DLG2: variants seen among roughly 807,000 people sequenced by gnomAD.
DLG2 encodes the protein discs large MAGUK scaffold protein 2, also known as disks large homolog 2.
Under a neutral mutation model 132.5 loss-of-function variants are expected in DLG2, and 45 were observed. The ratio of observed to expected loss-of-function variants is 0.34; its 90% CI spans 0.27 to 0.44. The LOEUF is 0.44. DLG2 is among the 20% of genes least tolerant of loss of function. The pLI is 1.00. For missense variants in DLG2, 1,045 were observed against 1,196.9 expected (o/e 0.87, Z 1.87); for synonymous variants, 424 against 419.6 (o/e 1.01, Z -0.13).
In DLG2 at chr11:84,546,411, G is replaced by A. The variant is rs374631382; in HGVS notation, c.358-11680C>T. On this transcript the variant is annotated intron_variant, in intron 6 of 27. Coordinates refer to ENST00000376104, the MANE Select transcript of DLG2 (RefSeq NM_001142699.3). ...AGGCCAGCATCATGCTTCTGGCACA[G>A]ACTGAAAGAACCATGAGCCAATTAA... The A allele has an allele frequency of 9.6e-4, 216 of 224,574 alleles. 3 individuals are homozygous for A. In the South Asian group the frequency reaches 0.013, roughly 14 times the overall value. The allele number at this position is 224,574 out of a possible 1,614,324, so 13.9% of individuals were successfully genotyped here. A position where few individuals can be genotyped will look rare whatever the true frequency, so the allele number is the denominator to read the frequency against.
intron 17 of DLG2, among the ~76,000 whole-genome samples, chr11:83,796,432 C>T (rs2042845753): frequency 6.6e-6 from 1 of 152,194 alleles, no homozygotes; most frequent in African/African-American, 2.4e-5. Flanking sequence ...TATTTGAACA[C>T]ATTTTTCACT....
chr11:85,425,290 C>T (rs1299596293), intron 3 of DLG2, among the ~76,000 whole-genome samples: 2 of 152,050 alleles, frequency 1.3e-5, no homozygotes, highest in East Asian at 1.9e-4. Context: ...AAAACATTTG[C>T]TCTATAAATG....
At chr11:85,512,080 T>A (rs1170511155) in intron 3 of DLG2, among the ~76,000 whole-genome samples, 1 of 152,070 alleles carries the variant, frequency 6.6e-6, no homozygotes, top group Non-Finnish European at 1.5e-5. Flanking sequence ...CCATTTTCAG[T>A]GTGGATTACA....
chr11:85,490,469 C>CA (rs566908048), intron 3 of DLG2, among the ~76,000 whole-genome samples: 7 of 151,216 alleles, frequency 4.6e-5, no homozygotes, highest in Admixed American at 1.3e-4. Flanking sequence ...AACTAAATGA[C>CA]AAAAAAATCT....
intron 15 of DLG2, among the ~76,000 whole-genome samples, chr11:83,883,927 C>G (rs558212001): frequency 6.6e-6 from 1 of 152,144 alleles, no homozygotes; most frequent in East Asian, 1.9e-4. Context: ...AAAAGGAAAG[C>G]AAATTTTAGT....
At chr11:84,534,803 A>G in intron 6 of DLG2, 72 bp from the exon 7 acceptor site, 1 of 1,531,724 alleles carries the variant, frequency 6.5e-7, no homozygotes, top group Non-Finnish European at 9.0e-7. Flanking sequence ...TGAACTTCAT[A>G]TTCTAACTTC....
intron 7 of DLG2, among the ~76,000 whole-genome samples, chr11:84,337,592 A>G (rs1043936540): frequency 7.9e-5 from 12 of 152,156 alleles, no homozygotes; most frequent in African/African-American, 2.7e-4. Flanking sequence ...TCACATAATA[A>G]ATACTCTTCT....
At chr11:84,753,739 G>T (rs1287925873) in intron 6 of DLG2, among the ~76,000 whole-genome samples, 2 of 152,196 alleles carry the variant, frequency 1.3e-5, no homozygotes, top group Non-Finnish European at 2.9e-5. Flanking sequence ...GCTTGATGGA[G>T]TGAAGGAGCA....
chr11:83,466,796 C>T lies in DLG2; in HGVS notation c.2641G>A (p.Val881Ile). 1 of 1,612,674 alleles carries T rather than the reference C, an allele frequency of 6.2e-7. No homozygotes were observed. The highest frequency in any genetic ancestry group is 8.5e-7 in the Non-Finnish European group (1 of 1,178,802). The change falls in exon 26 of 28, where the codon GTA becomes ATA. Residue 881 changes from valine to isoleucine, a missense_variant. By Grantham distance (29) the Val-to-Ile change is conservative. This residue lies in a region of DLG2 where 398 missense variants were observed against 543.6 expected (regional missense o/e 0.73). Transcript: ENST00000376104. ...AACCGCTTGATAGCATTTCCTGATA[C>T]ATCAAGTATACAGTGTTTGCCCTGG... ...AERGKHCILD[V>I]SGNAIKRLQV... is the part of the protein sequence containing the mutation.
rs139603711 is a variant in DLG2, at chr11:83,638,307, G to A, written c.1826-4982C>T. Among the ~76,000 whole-genome samples the A allele has an allele frequency of 6.2e-4, 94 of 152,168 alleles. 1 individual carries two copies. The East Asian group carries it at 0.018, about 28-fold the overall frequency. On this transcript the variant is annotated intron_variant, in intron 18 of 27. Transcript: ENST00000376104. ...AATAGTAAAAAGTGTACAAGATTTG[G>A]GTTATGTAGATGGAGTCAAAATCCT...
Position 85,481,589 on chromosome 11 carries a change from C to T in DLG2, c.40+117068G>A, listed in dbSNP as rs74725790. ...AAAGCTAGGCCCACCCCCAATAAAGCCTAGCACCAGGAAGACCCCCAACAG... is the reference window on the plus strand; with the variant it reads ...AAAGCTAGGCCCACCCCCAATAAAGTCTAGCACCAGGAAGACCCCCAACAG... On this transcript the variant is annotated intron_variant, in intron 3 of 27. Transcript: ENST00000376104. Among the ~76,000 whole-genome samples the T allele has an allele frequency of 9.8e-3, 1,488 of 152,190 alleles. 21 individuals are homozygous for T. Among genetic ancestry groups the T allele is most frequent in the African/African-American group, 0.032 (1,327 of 41,512 alleles).
chr11:83,990,704 C>T (rs1437850274), intron 11 of DLG2, among the ~76,000 whole-genome samples: 2 of 152,114 alleles, frequency 1.3e-5, no homozygotes, highest in African/African-American at 4.8e-5. Flanking sequence ...TGAATTGGTT[C>T]AACTTTATTT....
chr11:84,669,228 C>T (rs1223293898), intron 6 of DLG2, among the ~76,000 whole-genome samples: 1 of 152,000 alleles, frequency 6.6e-6, no homozygotes, highest in Non-Finnish European at 1.5e-5. Flanking sequence ...TAAAGATCCT[C>T]ATGTAGAACC....
chr11:84,657,853 T>A (rs1221851115), intron 6 of DLG2, among the ~76,000 whole-genome samples: 1 of 152,216 alleles, frequency 6.6e-6, no homozygotes, highest in Non-Finnish European at 1.5e-5. Flanking sequence ...TGTCTAGCAT[T>A]GCAGCAAAGG....
chr11:84,499,736 C>A lies in DLG2; in HGVS notation c.519+34834G>T, dbSNP rs185713818. On this transcript the variant is annotated intron_variant, in intron 7 of 27. Transcript: ENST00000376104. Reference sequence around the variant, plus strand: ...TTTCTGTCTCTCTCTGTTTCTCTCTCTATATATTCCTTCCTCTCTCTCTCT... The same window carrying A: ...TTTCTGTCTCTCTCTGTTTCTCTCTATATATATTCCTTCCTCTCTCTCTCT... Among the ~76,000 whole-genome samples, 191 of 152,118 alleles carry A rather than the reference C, an allele frequency of 1.3e-3. 1 individual carries two copies. The highest frequency in any genetic ancestry group is 4.7e-3 in the Admixed American group (72 of 15,254).
intron 6 of DLG2, among the ~76,000 whole-genome samples, chr11:84,628,208 A>G (rs919282316): frequency 1.3e-5 from 2 of 152,016 alleles, no homozygotes; most frequent in Non-Finnish European, 2.9e-5. Flanking sequence ...TTAACACAGC[A>G]CCTGGCACAG....
chr11:84,073,491 G>A (rs1273348543), intron 10 of DLG2, among the ~76,000 whole-genome samples: 4 of 152,100 alleles, frequency 2.6e-5, no homozygotes, highest in Non-Finnish European at 5.9e-5. Context: ...CTGCCACAGA[G>A]TACCAGGTAT....
rs1429625932 is a variant in DLG2, at chr11:84,323,693, A to G, written c.520-72402T>C. Among the ~76,000 whole-genome samples, 3 of 149,610 alleles carry G rather than the reference A, an allele frequency of 2.0e-5. No homozygotes were observed. In the East Asian group the frequency reaches 5.9e-4, roughly 29 times the overall value. ...GACTTCCAATTTCTCCACATCCTCAACAACATTTTTTTTGCTTTCTTTTTT... is the reference window on the plus strand; with the variant it reads ...GACTTCCAATTTCTCCACATCCTCAGCAACATTTTTTTTGCTTTCTTTTTT... On this transcript the variant is annotated intron_variant, in intron 7 of 27. Transcript: ENST00000376104.
At chr11:84,567,456 C>T (rs1236061305) in intron 6 of DLG2, among the ~76,000 whole-genome samples, 1 of 152,038 alleles carries the variant, frequency 6.6e-6, no homozygotes, top group Non-Finnish European at 1.5e-5. Context: ...TTTGATGATC[C>T]CTTGATGGAT....
Sources: allele counts gnomAD v4.1 joint callset (sites outside exome capture counted in the v4.1 genomes callset), GRCh38; gene constraint gnomAD v4.1.1; regional missense constraint gnomAD v4.1.1; transcripts MANE v1.5; gene names NCBI Gene and HGNC (gene_info 2026-07-23, HGNC 2026-07-21).